The following SP4 variants were observed in gnomAD, a reference collection of about 807,000 sequenced individuals.
The protein encoded by SP4 is Sp4 transcription factor, also known as transcription factor Sp4.
SP4 carries 19 observed loss-of-function variants against 72.8 expected under a neutral mutation model. The observed-to-expected ratio is 0.26, with a 90% confidence interval of 0.18 to 0.38. The LOEUF (loss-of-function observed/expected upper bound fraction) is 0.38. SP4 is among the 10% of genes least tolerant of loss of function. SP4 has a pLI of 1.00. For synonymous variants in SP4, 395 were observed against 333.1 expected, an observed-to-expected ratio of 1.19 and a Z score of -2.02; for missense variants, 1,008 against 926.3, an observed-to-expected ratio of 1.09 and a Z score of -1.14.
At chr7:21,476,657 C>T (rs896293123) in intron 3 of SP4, among the ~76,000 whole-genome samples, 1 of 152,092 alleles carries the variant, frequency 6.6e-6, no homozygotes, top group South Asian at 2.1e-4. Context: ...CCTGTATTTT[C>T]TTGTTATGAT....
intron 3 of SP4, among the ~76,000 whole-genome samples, chr7:21,471,922 T>C (rs1784357106): frequency 6.6e-6 from 1 of 152,152 alleles, no homozygotes. Flanking sequence ...CCTTACCACA[T>C]AGTAGATATA....
At chr7:21,432,335 G>T (rs1007797379) in intron 3 of SP4, among the ~76,000 whole-genome samples, 3 of 152,158 alleles carry the variant, frequency 2.0e-5, no homozygotes, top group African/African-American at 7.2e-5. Context: ...GACAATAATT[G>T]TAGTATTTCA....
intron 3 of SP4, among the ~76,000 whole-genome samples, chr7:21,453,476 A>G (rs1247343169): frequency 6.6e-6 from 1 of 152,266 alleles, no homozygotes; most frequent in African/African-American, 2.4e-5. Flanking sequence ...CTTAACAATT[A>G]TAATTATTAC....
At chr7:21,507,393 C>T (rs1782026357) in intron 5 of SP4, among the ~76,000 whole-genome samples, 1 of 152,196 alleles carries the variant, frequency 6.6e-6, no homozygotes, top group Non-Finnish European at 1.5e-5. Context: ...TTGGCTCCGC[C>T]ATGGTGTCCA....
intron 5 of SP4, among the ~76,000 whole-genome samples, chr7:21,493,452 C>T (rs534513512): frequency 1.3e-5 from 2 of 152,236 alleles, no homozygotes; most frequent in Admixed American, 1.3e-4. Context: ...GAAAGGTCCT[C>T]AGTCAATAGT....
intron 3 of SP4, among the ~76,000 whole-genome samples, chr7:21,437,252 C>T (rs887297858): frequency 3.9e-5 from 6 of 152,054 alleles, no homozygotes; most frequent in Non-Finnish European, 8.8e-5. Context: ...AAAAAAGAAC[C>T]GAGGAATCAC....
chr7:21,465,717 T>G (rs970055999), intron 3 of SP4, among the ~76,000 whole-genome samples: 2 of 152,010 alleles, frequency 1.3e-5, no homozygotes, highest in Non-Finnish European at 2.9e-5. Context: ...AATAAAAAAT[T>G]TAGCTGGGTA....
At chr7:21,498,491 A>G (rs1032373196) in intron 5 of SP4, among the ~76,000 whole-genome samples, 22 of 152,140 alleles carry the variant, frequency 1.4e-4, no homozygotes, top group Non-Finnish European at 3.1e-4. Flanking sequence ...GGTAAGAAAG[A>G]GTGTAGGAGG....
At chr7:21,488,303 A>G (rs1784876727) in intron 5 of SP4, among the ~76,000 whole-genome samples, 1 of 151,984 alleles carries the variant, frequency 6.6e-6, no homozygotes, top group Non-Finnish European at 1.5e-5. Flanking sequence ...TTTTGCCCCA[A>G]TTTTTTGATA....
intron 3 of SP4, among the ~76,000 whole-genome samples, chr7:21,459,896 T>TA (rs1220522238): frequency 2.0e-5 from 3 of 152,218 alleles, no homozygotes; most frequent in Non-Finnish European, 4.4e-5. Context: ...TCCAAAAGGT[T>TA]ATGTTCCAGT....
rs894026581 is a variant in SP4 at position 21,513,840 on chromosome 7, T to C, written c.*2571T>C. On this transcript the variant is annotated 3_prime_UTR_variant, in exon 6 of 6. Coordinates refer to ENST00000222584, the MANE Select transcript of SP4 (RefSeq NM_003112.5). The stretch of plus-strand genomic sequence containing the variant: ...TTAATTTGTGTTAGCAGGTGCACAT[T>C]TCACCACTGAAATTAGAAATATTTT... 10 of 152,218 alleles carry C rather than the reference T, an allele frequency of 6.6e-5. No homozygotes were observed. The highest frequency in any genetic ancestry group is 2.4e-4 in the African/African-American group (10 of 41,460). 9.4% of individuals were successfully genotyped at this position (152,218 alleles called of 1,614,324 possible). A position where few individuals can be genotyped will look rare whatever the true frequency, so the allele number is the denominator to read the frequency against.
chr7:21,461,070 A>G (rs1480320551), intron 3 of SP4, among the ~76,000 whole-genome samples: 1 of 152,190 alleles, frequency 6.6e-6, no homozygotes, highest in Non-Finnish European at 1.5e-5. Context: ...TGTATTTACA[A>G]TCCCCTAGCT....
intron 5 of SP4, among the ~76,000 whole-genome samples, chr7:21,494,860 AT>A (rs1195885893): frequency 6.6e-6 from 1 of 152,184 alleles, no homozygotes; most frequent in Non-Finnish European, 1.5e-5. Context: ...ACACTGCATA[AT>A]TTTAGGTGTT....
intron 5 of SP4, among the ~76,000 whole-genome samples, chr7:21,502,054 G>A (rs975200118): frequency 1.6e-4 from 7 of 43,598 alleles, no homozygotes; most frequent in Admixed American, 1.5e-3. Context: ...CCCCCCCCCC[G>A]GAACTCCTAT....
chr7:21,447,094 C>G lies in SP4; in HGVS notation c.1678+16251C>G, dbSNP rs116269097. 9.4e-3 allele frequency among the ~76,000 whole-genome samples: 1,427 copies of G among 152,276 alleles called. 24 individuals carry two copies. The highest frequency in any genetic ancestry group is 0.032 in the African/African-American group (1,350 of 41,540). ...TGTAGATTGCCATCTGGGACCTCAT[C>G]TGACTATTCAGAATGCCCTTGCCAG... On this transcript the variant is annotated intron_variant, in intron 3 of 5. Transcript: ENST00000222584.
chr7:21,496,857 A>C (rs1286986015), intron 5 of SP4, among the ~76,000 whole-genome samples: 1 of 152,184 alleles, frequency 6.6e-6, no homozygotes, highest in Non-Finnish European at 1.5e-5. Flanking sequence ...CTTTCTGCTT[A>C]CCTAGAGCCT....
intron 3 of SP4, among the ~76,000 whole-genome samples, chr7:21,462,297 T>C (rs941866605): frequency 2.6e-5 from 4 of 152,114 alleles, no homozygotes; most frequent in African/African-American, 9.7e-5. Flanking sequence ...GACCATAGTA[T>C]TGACTCAGAT....
At chr7:21,449,690 G>A (rs958017121) in intron 3 of SP4, among the ~76,000 whole-genome samples, 1 of 152,046 alleles carries the variant, frequency 6.6e-6, no homozygotes, top group Non-Finnish European at 1.5e-5. Context: ...CTTTGGTTCT[G>A]CTCTCTTTGT....
intron 3 of SP4, among the ~76,000 whole-genome samples, chr7:21,434,588 A>G (rs28655856): frequency 0.24 from 36,854 of 152,034 alleles, 6,597 homozygotes; most frequent in East Asian, 0.63. Flanking sequence ...TTCTAAATTT[A>G]ACTTAAAATT....
Sources: allele counts gnomAD v4.1 joint callset (sites outside exome capture counted in the v4.1 genomes callset), GRCh38; gene constraint gnomAD v4.1.1; transcripts MANE v1.5; gene names NCBI Gene and HGNC (gene_info 2026-07-23, HGNC 2026-07-21).